LMO7: variants seen among roughly 807,000 people sequenced by gnomAD.
The protein encoded by LMO7 is LIM domain only protein 7.
LMO7 carries 120 observed loss-of-function variants against 206.5 expected under a neutral mutation model. That is an observed-to-expected ratio of 0.58 (90% CI 0.50 to 0.68). The LOEUF (loss-of-function observed/expected upper bound fraction) is 0.68, where lower values mean the gene tolerates loss of function less well. LMO7 is among the 30% of genes least tolerant of loss of function. LMO7 has a pLI of 0.00. For missense variants in LMO7, 1,959 were observed against 1,957.9 expected (o/e 1.00, Z -0.01); for synonymous variants, 706 against 681.5 (o/e 1.04, Z -0.56).
At chr13:75,692,489 G>C (rs1477273104) in intron 1 of LMO7, among the ~76,000 whole-genome samples, 1 of 151,738 alleles carries the variant, frequency 6.6e-6, no homozygotes, top group Non-Finnish European at 1.5e-5. Context: ...GGACTCAAGG[G>C]ATCCTCCCAT....
chr13:75,725,874 A>C (rs948553422), intron 2 of LMO7, among the ~76,000 whole-genome samples: 2 of 152,050 alleles, frequency 1.3e-5, no homozygotes, highest in Non-Finnish European at 2.9e-5. Context: ...CCTGTTGAAC[A>C]ACATTCTGTA....
chr13:75,825,882 T>G (rs957413930), intron 15 of LMO7, among the ~76,000 whole-genome samples: 1 of 152,228 alleles, frequency 6.6e-6, no homozygotes, highest in South Asian at 2.1e-4. Flanking sequence ...AGCATGTGGC[T>G]GATCATCTAA....
At chr13:75,686,079 A>G (rs920639335) in intron 1 of LMO7, among the ~76,000 whole-genome samples, 9 of 151,792 alleles carry the variant, frequency 5.9e-5, no homozygotes, top group South Asian at 2.1e-4. Flanking sequence ...TGGTCTCACC[A>G]TGTTGTCCAG....
intron 1 of LMO7, among the ~76,000 whole-genome samples, chr13:75,642,442 CAAAAA>C (rs5804829): frequency 6.9e-5 from 5 of 72,390 alleles, no homozygotes; most frequent in East Asian, 4.6e-4. Flanking sequence ...CCATCTCTAC[CAAAAA>C]AAAAAAAAAA....
chr13:75,841,881 G>A lies in LMO7; in HGVS notation c.3929G>A (p.Arg1310Gln), dbSNP rs773920440. 22 of 1,613,846 alleles carry A rather than the reference G, an allele frequency of 1.4e-5. No homozygotes were observed. Among genetic ancestry groups the A allele is most frequent in the Non-Finnish European group, 1.8e-5 (21 of 1,179,900 alleles). ...CTTCAGGAAGAGCAAGAGCAAAAGC[G>A]GCTTCAGGCTGAGGCTGAGGAGCAG... ...QQLQEEQEQK[R>Q]LQAEAEEQKR... Residue 1310 changes from arginine to glutamine, a missense_variant, in exon 24 of 31, where the codon CGG (arginine) becomes CAG (glutamine). Transcript: ENST00000377534.
chr13:75,715,254 G>A (rs1463472220), intron 2 of LMO7, among the ~76,000 whole-genome samples: 1 of 152,206 alleles, frequency 6.6e-6, no homozygotes, highest in South Asian at 2.1e-4. Flanking sequence ...GATCTGCATA[G>A]TGTGACCAAG....
rs780947070 is a variant in LMO7 at position 75,834,249 on chromosome 13, C to T, written c.3088C>T (p.Leu1030=). The T allele has an allele frequency of 2.5e-6, 4 of 1,602,212 alleles. No individual in the cohort carries two copies. Among genetic ancestry groups the T allele is most frequent in the Admixed American group, 3.4e-5 (2 of 58,280 alleles). Reference sequence around the variant, plus strand: ...AGGTAGCCCAGCAGAATTTTCTCAGCTACAAGTAGATGATGAAATTATTGC... The same window carrying T: ...AGGTAGCCCAGCAGAATTTTCTCAGTTACAAGTAGATGATGAAATTATTGC... ...EAGSPAEFSQ[L]QVDDEIIAIN... Residue 1030 remains leucine, a synonymous_variant, in exon 17 of 31, where the codon CTA becomes TTA. Transcript: ENST00000377534.
intron 1 of LMO7, among the ~76,000 whole-genome samples, chr13:75,646,593 TAA>T (rs1287601410): frequency 1.1e-4 from 15 of 136,506 alleles, no homozygotes; most frequent in South Asian, 2.3e-4. Flanking sequence ...TTTTTTTTTT[TAA>T]TTTTTGAGAT....
At chr13:75,675,466 T>G (rs1418487489) in intron 1 of LMO7, among the ~76,000 whole-genome samples, 1 of 152,254 alleles carries the variant, frequency 6.6e-6, no homozygotes, top group Non-Finnish European at 1.5e-5. Context: ...TAAAATATTT[T>G]TATGAAATAA....
intron 7 of LMO7, among the ~76,000 whole-genome samples, chr13:75,802,375 TC>T (rs543014702): frequency 2.3e-4 from 35 of 152,340 alleles, no homozygotes; most frequent in African/African-American, 8.4e-4. Context: ...AGTATGTGAT[TC>T]ATCTGAGTGG....
chr13:75,842,872 A>G lies in LMO7; in HGVS notation c.4053A>G (p.Ile1351Met). The change falls in exon 25 of 31, where the codon ATA becomes ATG. Residue 1351 changes from isoleucine to methionine, a missense_variant. By Grantham distance (10) the Ile-to-Met change is conservative (BLOSUM62 1). Transcript: ENST00000377534. ...TTAGGCCTGTTGATTCCTATGATAT[A>G]CCAAAGACAGAAGAAGCATCTTCAG... ...QYRRPVDSYD[I>M]PKTEEASSGF... The G allele has an allele frequency of 6.2e-7, 1 of 1,608,232 alleles. No homozygotes were observed.
chr13:75,827,144 T>G (rs1183539472), intron 15 of LMO7, among the ~76,000 whole-genome samples: 1 of 152,210 alleles, frequency 6.6e-6, no homozygotes, highest in Non-Finnish European at 1.5e-5. Flanking sequence ...TCTTTGTACA[T>G]TCTTACACAT....
At position 75,859,779 on chromosome 13, in the gene LMO7, A is replaced by T. The variant is rs574852604; in HGVS notation, c.*1836A>T. ...TCTCACTGCATGTTTATGAAGATACAGTTCTTTTGCCTTGTTCTCTGCCTG... is the reference window on the plus strand; with the variant it reads ...TCTCACTGCATGTTTATGAAGATACTGTTCTTTTGCCTTGTTCTCTGCCTG... On this transcript the variant is annotated 3_prime_UTR_variant, in exon 31 of 31. Transcript: ENST00000377534. The T allele has an allele frequency of 6.6e-6, 1 of 152,314 alleles. No individual in the cohort carries two copies. Among genetic ancestry groups the T allele is most frequent in the South Asian group, 2.1e-4 (1 of 4,824 alleles). 9.4% of individuals were successfully genotyped at this position (152,314 alleles called of 1,614,324 possible). A position where few individuals can be genotyped will look rare whatever the true frequency, so the allele number is the denominator to read the frequency against.
chr13:75,815,972 A>G (rs1188354626), intron 11 of LMO7, among the ~76,000 whole-genome samples: 1 of 152,208 alleles, frequency 6.6e-6, no homozygotes, highest in East Asian at 1.9e-4. Flanking sequence ...TTAGTGAGTT[A>G]CAGTTTACAA....
intron 1 of LMO7, among the ~76,000 whole-genome samples, chr13:75,640,524 C>T (rs999148628): frequency 2.0e-5 from 3 of 152,286 alleles, no homozygotes; most frequent in African/African-American, 4.8e-5. Context: ...TTCCCAAAAT[C>T]GCCAAACCTC....
At chr13:75,628,526 G>A (rs534690639) in intron 2 of LMO7, 1 of 152,186 alleles carries the variant, frequency 6.6e-6, no homozygotes, top group South Asian at 2.1e-4. Flanking sequence ...GGGTAGAGAT[G>A]GGATAGGTAT....
chr13:75,783,857 C>T (rs1295198962), intron 4 of LMO7, among the ~76,000 whole-genome samples: 1 of 152,150 alleles, frequency 6.6e-6, no homozygotes, highest in East Asian at 1.9e-4. Flanking sequence ...CCTTGCTTGT[C>T]TGTTTGCTTT....
In LMO7 at chr13:75,821,228, T is replaced by A; in HGVS notation, c.2259T>A (p.Ser753=). ...STVPSRRRMY[S]FDDVLEEGKR... is the part of the protein sequence containing the mutation. The stretch of plus-strand genomic sequence containing the variant: ...TTCCGTCAAGAAGGAGAATGTATTC[T>A]TTTGATGATGTGCTGGAGGAAGGAA... The change falls in exon 14 of 31, where the codon TCT becomes TCA. Residue 753 remains serine (S), a synonymous_variant. Transcript: ENST00000377534. 5 of 1,613,350 alleles carry A rather than the reference T, an allele frequency of 3.1e-6. No homozygotes were observed. Among genetic ancestry groups the A allele is most frequent in the Non-Finnish European group, 4.2e-6 (5 of 1,179,792 alleles).
intron 11 of LMO7, 67 bp from the exon 12 acceptor site, chr13:75,817,094 A>G: frequency 2.7e-6 from 3 of 1,098,746 alleles, no homozygotes; most frequent in Non-Finnish European, 4.1e-6. Flanking sequence ...TTTAACTCCA[A>G]CCTCAGTTTA....
Sources: allele counts gnomAD v4.1 joint callset (sites outside exome capture counted in the v4.1 genomes callset), GRCh38; gene constraint gnomAD v4.1.1; transcripts MANE v1.5; gene names NCBI Gene and HGNC (gene_info 2026-07-23, HGNC 2026-07-21).